WDR37: variants seen among roughly 807,000 people sequenced by gnomAD.
The protein encoded by WDR37 is WD repeat domain 37.
A neutral mutation model predicts 62.9 loss-of-function variants in WDR37; 19 were observed. The ratio of observed to expected loss-of-function variants is 0.30; its 90% CI spans 0.21 to 0.44. WDR37 has a LOEUF of 0.44. WDR37 is among the 20% of genes least tolerant of loss of function. The probability of loss-of-function intolerance (pLI) is 1.00; values close to 1 mark genes in which losing one functional copy is unlikely to be tolerated. For missense variants in WDR37, 474 were observed against 657.6 expected, an observed-to-expected ratio of 0.72 and a Z score of 3.05; for synonymous variants, 250 against 260.9, an observed-to-expected ratio of 0.96 and a Z score of 0.40.
chr10:1,072,301 A>G lies in WDR37; in HGVS notation c.138+8A>G. 1 of 1,613,104 alleles carries G rather than the reference A, an allele frequency of 6.2e-7. No homozygotes were observed. The highest frequency in any genetic ancestry group is 8.5e-7 in the Non-Finnish European group (1 of 1,179,654). ...GACATGTTAGAAGGACAAGTAAGCT[A>G]CGATTGATTAGGGCCTTATTGATTG... On this transcript the variant is annotated splice_region_variant and intron_variant, in intron 2 of 13. Transcript: ENST00000263150.
chr10:1,121,834 C>T lies in WDR37; in HGVS notation c.1104-2384C>T, dbSNP rs1835592032. Among the ~76,000 whole-genome samples the T allele has an allele frequency of 6.6e-6, 1 of 151,912 alleles. No individual in the cohort carries two copies. The highest frequency in any genetic ancestry group is 1.5e-5 in the Non-Finnish European group (1 of 67,998). On this transcript the variant is annotated intron_variant, in intron 11 of 13. Transcript: ENST00000263150. This position sits in a 1 kb window ranked among gnomAD's most constrained non-coding sequence, Gnocchi z 4.5. ...CACCACGACCAGGCCTTTGAGAATG[C>T]AGACGTGAAAACGGTCGCCGCCGCA...
At chr10:1,114,954 C>T (rs911171959) in intron 11 of WDR37, among the ~76,000 whole-genome samples, 2 of 152,116 alleles carry the variant, frequency 1.3e-5, no homozygotes, top group Admixed American at 1.3e-4. Flanking sequence ...GTTTAGATCT[C>T]AGCCTCAGCC....
chr10:1,076,123 A>G (rs1318093405), intron 2 of WDR37, among the ~76,000 whole-genome samples: 9 of 151,046 alleles, frequency 6.0e-5, no homozygotes. Flanking sequence ...TTATAGTTAC[A>G]TTTTCCTTTC....
intron 2 of WDR37, among the ~76,000 whole-genome samples, chr10:1,075,754 C>T (rs1322822465): frequency 6.7e-6 from 1 of 149,944 alleles, no homozygotes; most frequent in African/African-American, 2.4e-5. Flanking sequence ...CAGTTCAGCA[C>T]AAGCTTATGT....
intron 11 of WDR37, among the ~76,000 whole-genome samples, chr10:1,113,039 T>C (rs1270559752): frequency 6.6e-6 from 1 of 152,040 alleles, no homozygotes; most frequent in Non-Finnish European, 1.5e-5. Flanking sequence ...CGTAGAACTT[T>C]CCTAGCTAGA....
intron 2 of WDR37, 38 bp downstream of exon 2, chr10:1,072,331 A>G: frequency 6.2e-7 from 1 of 1,603,168 alleles, no homozygotes; most frequent in South Asian, 1.1e-5. Flanking sequence ...TGATTGATTG[A>G]TTTTTGAGAC....
chr10:1,122,679 A>G (rs1240403602), intron 11 of WDR37, among the ~76,000 whole-genome samples: 1 of 152,260 alleles, frequency 6.6e-6, no homozygotes, highest in Non-Finnish European at 1.5e-5. Flanking sequence ...GTGAGCAAAG[A>G]GGTGATTGAA....
chr10:1,074,581 G>C, intron 2 of WDR37: 1 of 1,253,274 alleles, frequency 8.0e-7, no homozygotes, highest in Non-Finnish European at 1.1e-6. Flanking sequence ...CCCGTGAGGT[G>C]CTCTGCCTTC....
chr10:1,058,409 C>G (rs1337878021), intron 1 of WDR37, among the ~76,000 whole-genome samples: 1 of 152,190 alleles, frequency 6.6e-6, no homozygotes, highest in African/African-American at 2.4e-5. Context: ...TTAGGCTGTT[C>G]ACTTTGGGCA....
chr10:1,091,008 C>T (rs184497990), intron 7 of WDR37, among the ~76,000 whole-genome samples: 1 of 152,226 alleles, frequency 6.6e-6, no homozygotes, highest in Non-Finnish European at 1.5e-5. Flanking sequence ...TCGAGGGCCT[C>T]GTTATACAGG....
At chr10:1,081,057 T>A (rs893001566) in intron 5 of WDR37, among the ~76,000 whole-genome samples, 1 of 152,218 alleles carries the variant, frequency 6.6e-6, no homozygotes, top group Non-Finnish European at 1.5e-5. Flanking sequence ...ATAAAGGGTC[T>A]GAATTTGGAG....
intron 13 of WDR37, among the ~76,000 whole-genome samples, chr10:1,126,397 C>G (rs1410241460): frequency 7.2e-6 from 1 of 138,256 alleles, no homozygotes; most frequent in Non-Finnish European, 1.5e-5. Context: ...CAGAGCGAGA[C>G]TGTGTCTCAG....
intron 11 of WDR37, among the ~76,000 whole-genome samples, chr10:1,116,282 C>T (rs969031074): frequency 2.2e-4 from 34 of 151,642 alleles, no homozygotes; most frequent in African/African-American, 4.6e-4. Context: ...CACCCCGCCC[C>T]GGGTCTCTGC....
intron 1 of WDR37, 132 bp from the exon 2 acceptor site, chr10:1,071,983 AT>A: frequency 1.6e-6 from 1 of 617,478 alleles, no homozygotes; most frequent in South Asian, 3.3e-5. Flanking sequence ...AATTTGTCAT[AT>A]TCCAAATTAT....
chr10:1,126,183 A>G (rs1835744893), intron 13 of WDR37, among the ~76,000 whole-genome samples: 1 of 152,126 alleles, frequency 6.6e-6, no homozygotes, highest in African/African-American at 2.4e-5. Flanking sequence ...AGGCGGGCAG[A>G]TCACGAGGTC....
intron 2 of WDR37, among the ~76,000 whole-genome samples, chr10:1,077,111 G>A (rs1833902163): frequency 6.6e-6 from 1 of 152,100 alleles, no homozygotes; most frequent in Non-Finnish European, 1.5e-5. Flanking sequence ...ACCAAATAGT[G>A]CATAGGCCAT....
intron 5 of WDR37, among the ~76,000 whole-genome samples, chr10:1,081,440 T>G (rs1441548873): frequency 6.6e-6 from 1 of 152,358 alleles, no homozygotes; most frequent in East Asian, 1.9e-4. Flanking sequence ...TTTTCCAATT[T>G]GTTTCCTTGA....
intron 11 of WDR37, among the ~76,000 whole-genome samples, chr10:1,113,377 G>T (rs1835278734): frequency 6.6e-6 from 1 of 152,102 alleles, no homozygotes. Context: ...GGAGATGAAT[G>T]GTGTTTTCAT....
chr10:1,059,724 G>A (rs1329126536), intron 1 of WDR37, among the ~76,000 whole-genome samples: 1 of 152,048 alleles, frequency 6.6e-6, no homozygotes, highest in African/African-American at 2.4e-5. Flanking sequence ...TTGAACCCGG[G>A]AGGTGGAGGT....
Sources: allele counts gnomAD v4.1 joint callset (sites outside exome capture counted in the v4.1 genomes callset), GRCh38; gene constraint gnomAD v4.1.1; non-coding constraint Gnocchi (gnomAD v3.1); transcripts MANE v1.5; gene names NCBI Gene and HGNC (gene_info 2026-07-23, HGNC 2026-07-21).